RBFOX3: variants seen among roughly 807,000 people sequenced by gnomAD.
The protein encoded by RBFOX3 is RNA binding fox-1 homolog 3.
In RBFOX3, 17 loss-of-function variants were observed where a neutral mutation model predicts 48.7. That is an observed-to-expected ratio of 0.35 (90% CI 0.24 to 0.52). RBFOX3 has a LOEUF of 0.52. Among genes scored for constraint, RBFOX3 ranks in the 20% least tolerant of loss-of-function variants. RBFOX3 has a pLI of 0.94. For synonymous variants in RBFOX3, 212 were observed against 209.5 expected (o/e 1.01, Z -0.10); for missense variants, 382 against 497.5 (o/e 0.77, Z 2.21).
the RBFOX3 span, among the ~76,000 whole-genome samples, chr17:79,658,058 G>A: frequency 1.3e-5 from 2 of 152,110 alleles, no homozygotes; most frequent in South Asian, 4.1e-4. Flanking sequence ...AGGCCCTTGA[G>A]TTTCAGTGGC....
chr17:79,604,011 G>A (rs939560743), intron 1 of RBFOX3: 12 of 152,258 alleles, frequency 7.9e-5, no homozygotes, highest in African/African-American at 2.7e-4. Flanking sequence ...CAGGTTGTGC[G>A]GCCGGCCCTG....
chr17:79,351,490 C>T (rs544320708), intron 2 of RBFOX3, among the ~76,000 whole-genome samples: 56 of 152,312 alleles, frequency 3.7e-4, no homozygotes, highest in African/African-American at 1.3e-3. Context: ...GCCTCCACCT[C>T]CCAGCTTCAA....
At chr17:79,596,748 T>C (rs2093580460) in intron 1 of RBFOX3, among the ~76,000 whole-genome samples, 1 of 152,188 alleles carries the variant, frequency 6.6e-6, no homozygotes, top group Non-Finnish European at 1.5e-5. Flanking sequence ...TGTGATTTTT[T>C]GCTTTTCCTT....
chr17:79,276,732 A>G lies in RBFOX3; in HGVS notation c.-74+30992T>C, dbSNP rs1354143966. Reference sequence around the variant, plus strand: ...AACAAACAACAAAAACCAAAACCAAAAATCAAGAAACTGGAGTGTTTCTTC... The same window carrying G: ...AACAAACAACAAAAACCAAAACCAAGAATCAAGAAACTGGAGTGTTTCTTC... On this transcript the variant is annotated intron_variant, in intron 3 of 14. Transcript: ENST00000693108. 3.9e-5 allele frequency among the ~76,000 whole-genome samples: 6 copies of G among 152,100 alleles called. No individual in the cohort carries two copies. In the South Asian group the frequency reaches 1.0e-3, roughly 26 times the overall value.
intron 3 of RBFOX3, among the ~76,000 whole-genome samples, chr17:79,285,366 C>T (rs991386118): frequency 1.3e-5 from 2 of 152,328 alleles, no homozygotes; most frequent in South Asian, 4.1e-4. Flanking sequence ...TGAAAAGTTC[C>T]ATGTGGATGC....
intron 1 of RBFOX3, among the ~76,000 whole-genome samples, chr17:79,605,098 T>C (rs951697988): frequency 3.9e-5 from 6 of 152,318 alleles, no homozygotes; most frequent in Admixed American, 1.3e-4. Flanking sequence ...GAACTCTGAA[T>C]GCGCCCTTGG....
intron 2 of RBFOX3, among the ~76,000 whole-genome samples, chr17:79,476,047 G>A (rs1251873721): frequency 6.6e-6 from 1 of 152,194 alleles, no homozygotes; most frequent in Non-Finnish European, 1.5e-5. Context: ...ACTGTCCTGG[G>A]GGCTGCACCT....
Position 79,254,673 on chromosome 17 carries a change from C to T in RBFOX3, c.-73-18868G>A, listed in dbSNP as rs778108005. ...CCACTTCTGAGCCCTCTTGGCGATT[C>T]GTATACTTGCCCCTCCATGCAGTGT... On this transcript the variant is annotated intron_variant, in intron 3 of 14. Coordinates refer to ENST00000693108, the MANE Select transcript of RBFOX3 (RefSeq NM_001350451.2). This position sits in a 1 kb window ranked among gnomAD's most constrained non-coding sequence, Gnocchi z 4.8. Among the ~76,000 whole-genome samples, 16 of 152,150 alleles carry T rather than the reference C, an allele frequency of 1.1e-4. No individual in the cohort carries two copies. The highest frequency in any genetic ancestry group is 1.9e-4 in the Non-Finnish European group (13 of 68,044).
intron 2 of RBFOX3, among the ~76,000 whole-genome samples, chr17:79,419,941 A>G (rs1457790707): frequency 6.6e-6 from 1 of 152,196 alleles, no homozygotes; most frequent in Non-Finnish European, 1.5e-5. Context: ...AGCTTGGGCA[A>G]CACGGTGAAA....
intron 1 of RBFOX3, among the ~76,000 whole-genome samples, chr17:79,596,608 G>A (rs1241723043): frequency 2.6e-5 from 4 of 152,240 alleles, no homozygotes; most frequent in Non-Finnish European, 5.9e-5. Context: ...AACAAATGTT[G>A]ATTGAGAATG....
At chr17:79,265,444 C>T (rs186247493) in intron 3 of RBFOX3, among the ~76,000 whole-genome samples, 14 of 152,300 alleles carry the variant, frequency 9.2e-5, no homozygotes, top group Non-Finnish European at 1.8e-4. Flanking sequence ...TCATGAAGGA[C>T]CTCATCAAAA....
intron 2 of RBFOX3, among the ~76,000 whole-genome samples, chr17:79,451,387 G>A (rs190276482): frequency 6.6e-6 from 1 of 152,300 alleles, no homozygotes; most frequent in East Asian, 1.9e-4. Flanking sequence ...GCCGAGCTCT[G>A]AACCCAGAAG....
chr17:79,459,530 A>G (rs1351174812), intron 2 of RBFOX3, among the ~76,000 whole-genome samples: 1 of 152,218 alleles, frequency 6.6e-6, no homozygotes, highest in Non-Finnish European at 1.5e-5. Context: ...ATGGTACTCC[A>G]GGCTGCAGGA....
At chr17:79,356,740 A>C (rs2085213935) in intron 2 of RBFOX3, among the ~76,000 whole-genome samples, 2 of 151,996 alleles carry the variant, frequency 1.3e-5, no homozygotes, top group African/African-American at 4.8e-5. Context: ...ACTATTTGGG[A>C]AATAATTTCT....
chr17:79,390,777 G>A lies in RBFOX3; in HGVS notation c.-174-82953C>T, dbSNP rs1036552914. Reference sequence around the variant, plus strand: ...CAAAGTTTGCCAGAGGCGAGTTCAGGGTGGGGATCCTGGCAGTGGGAAACT... The same window carrying A: ...CAAAGTTTGCCAGAGGCGAGTTCAGAGTGGGGATCCTGGCAGTGGGAAACT... On this transcript the variant is annotated intron_variant, in intron 2 of 14. Coordinates refer to ENST00000693108, the MANE Select transcript of RBFOX3 (RefSeq NM_001350451.2). This position sits in a 1 kb window ranked among gnomAD's most constrained non-coding sequence, Gnocchi z 4.2. 6.6e-6 allele frequency among the ~76,000 whole-genome samples: 1 copy of A among 152,198 alleles called. No homozygotes were observed. The highest frequency in any genetic ancestry group is 1.5e-5 in the Non-Finnish European group (1 of 68,028).
At chr17:79,545,608 C>G (rs1204738394) in intron 1 of RBFOX3, among the ~76,000 whole-genome samples, 2 of 152,220 alleles carry the variant, frequency 1.3e-5, no homozygotes, top group African/African-American at 4.8e-5. Flanking sequence ...CAATGTCTGC[C>G]TTCCCTTCCA....
intron 4 of RBFOX3, among the ~76,000 whole-genome samples, chr17:79,145,665 C>T (rs762974530): frequency 5.3e-5 from 8 of 152,198 alleles, no homozygotes; most frequent in African/African-American, 1.7e-4. Flanking sequence ...GGGCATTCGC[C>T]GCTCTGTGGT....
At chr17:79,400,794 C>A (rs2062700762) in intron 2 of RBFOX3, among the ~76,000 whole-genome samples, 1 of 152,212 alleles carries the variant, frequency 6.6e-6, no homozygotes, top group Admixed American at 6.5e-5. Context: ...CCGTCACTGC[C>A]CTGATCTGGG....
At chr17:79,317,769 G>T (rs578186009) in intron 2 of RBFOX3, among the ~76,000 whole-genome samples, 2 of 151,880 alleles carry the variant, frequency 1.3e-5, no homozygotes, top group South Asian at 4.2e-4. Context: ...AAAAAAAAAA[G>T]TTGCAATGTT....
Sources: gnomAD v4.1 joint callset for allele counts (sites outside exome capture counted in the v4.1 genomes callset) on GRCh38, gnomAD v4.1.1 for gene constraint, Gnocchi (gnomAD v3.1) non-coding constraint, MANE v1.5 for transcripts, NCBI Gene and HGNC (gene_info 2026-07-23, HGNC 2026-07-21) for gene names.